BCL2L13: variants seen among roughly 807,000 people sequenced by gnomAD.
BCL2L13 encodes BCL2 like 13, also known as bcl-2-like protein 13.
Under a neutral mutation model 25.8 loss-of-function variants are expected in BCL2L13, and 13 were observed. That is an observed-to-expected ratio of 0.50 (90% confidence interval 0.33 to 0.80). BCL2L13 has a LOEUF of 0.80. BCL2L13 is among the 30% of genes least tolerant of loss of function. The pLI is 0.02. For missense variants in BCL2L13, 504 were observed against 574.9 expected (o/e 0.88, Z 1.26); for synonymous variants, 244 against 230.3 (o/e 1.06, Z -0.54).
chr22:17,669,394 C>G (rs536681545), intron 2 of BCL2L13, among the ~76,000 whole-genome samples: 46 of 152,254 alleles, frequency 3.0e-4, no homozygotes, highest in African/African-American at 1.1e-3. Flanking sequence ...TGGTGAGGGC[C>G]TCAAACTGCT....
intron 3 of BCL2L13, chr22:17,684,606 CAG>C (rs1568969975): frequency 2.2e-6 from 1 of 454,008 alleles, no homozygotes; most frequent in Non-Finnish European, 4.4e-6. Context: ...TCTCATTGCC[CAG>C]GCTGGAGTGC....
intron 6 of BCL2L13, among the ~76,000 whole-genome samples, chr22:17,721,634 C>G (rs778011848): frequency 2.0e-5 from 3 of 149,564 alleles, no homozygotes; most frequent in African/African-American, 7.4e-5. Flanking sequence ...AAGCAATTCT[C>G]CTGCCTCAGC....
rs1237784149 is a variant in BCL2L13, at chr22:17,730,349, C to G, written c.*2815C>G. 1.3e-5 allele frequency: 2 copies of G among 152,084 alleles called. No individual in the cohort carries two copies. The highest frequency in any genetic ancestry group is 4.8e-5 in the African/African-American group (2 of 41,390). The allele number at this position is 152,084 out of a possible 1,614,324, so 9.4% of individuals were successfully genotyped here. On this transcript the variant is annotated 3_prime_UTR_variant, in exon 7 of 7. Transcript: ENST00000317582. ...CTCCCCCTCGAGGCATTCTTGATAC[C>G]CCTTCTCACCTGCATTTCTGTCCCA... is the stretch of plus-strand genomic sequence containing the variant.
At position 17,705,696 on chromosome 22, in the gene BCL2L13, T is replaced by C. The variant is rs768125917; in HGVS notation, c.600+3310T>C. Among the ~76,000 whole-genome samples the C allele has an allele frequency of 2.6e-5, 4 of 152,314 alleles. No homozygotes were observed. In the East Asian group the frequency reaches 5.8e-4, roughly 22 times the overall value. On this transcript the variant is annotated intron_variant, in intron 6 of 6. Coordinates refer to ENST00000317582, the MANE Select transcript of BCL2L13 (RefSeq NM_015367.4). ...AGATACTGTGTGCTGAACATTACATTGACAGCTCTTAAAACCCTTCCAGAA... is the reference window on the plus strand; with the variant it reads ...AGATACTGTGTGCTGAACATTACATCGACAGCTCTTAAAACCCTTCCAGAA...
intron 2 of BCL2L13, among the ~76,000 whole-genome samples, chr22:17,666,113 G>A (rs1040037914): frequency 3.9e-5 from 6 of 152,052 alleles, no homozygotes; most frequent in Non-Finnish European, 8.8e-5. Flanking sequence ...CCATCTCTTT[G>A]CCAACATAGC....
chr22:17,715,146 A>G (rs1569007570), intron 6 of BCL2L13, among the ~76,000 whole-genome samples: 2 of 8,160 alleles, frequency 2.5e-4, no homozygotes, highest in Non-Finnish European at 4.8e-4. Context: ...ATATATATAT[A>G]TATATATATA....
intron 6 of BCL2L13, among the ~76,000 whole-genome samples, chr22:17,704,283 G>A (rs1018634785): frequency 5.9e-5 from 9 of 151,822 alleles, no homozygotes; most frequent in Non-Finnish European, 1.0e-4. Flanking sequence ...ATAGGGCTTC[G>A]CCATGTTGGC....
At chr22:17,641,798 G>GTTTTT (rs35688861) in intron 1 of BCL2L13, among the ~76,000 whole-genome samples, 1 of 133,696 alleles carries the variant, frequency 7.5e-6, no homozygotes, top group Non-Finnish European at 1.6e-5. Context: ...CATAATATGT[G>GTTTTT]TTTTTTTTTT....
At chr22:17,681,732 G>A (rs2059761959) in intron 2 of BCL2L13, among the ~76,000 whole-genome samples, 1 of 152,074 alleles carries the variant, frequency 6.6e-6, no homozygotes, top group Non-Finnish European at 1.5e-5. Flanking sequence ...TGGGGTGTTT[G>A]ATTTAATATA....
intron 6 of BCL2L13, among the ~76,000 whole-genome samples, chr22:17,708,662 T>G (rs1158846573): frequency 6.6e-6 from 1 of 152,226 alleles, no homozygotes; most frequent in Non-Finnish European, 1.5e-5. Flanking sequence ...CGCAGTTCTC[T>G]GCTTCTTTGT....
chr22:17,686,531 GAC>G (rs1461101114), intron 3 of BCL2L13, among the ~76,000 whole-genome samples: 1 of 132,078 alleles, frequency 7.6e-6, no homozygotes, highest in African/African-American at 2.8e-5. Flanking sequence ...TTTTTTTTGA[GAC>G]AGAGTCTCGC....
intron 1 of BCL2L13, among the ~76,000 whole-genome samples, chr22:17,653,949 T>A (rs1262079237): frequency 6.6e-6 from 1 of 152,096 alleles, no homozygotes; most frequent in Non-Finnish European, 1.5e-5. Flanking sequence ...AGTCTGTATT[T>A]TTGTTATAAG....
chr22:17,665,485 A>G (rs1203789607), intron 2 of BCL2L13, among the ~76,000 whole-genome samples: 3 of 152,244 alleles, frequency 2.0e-5, no homozygotes, highest in South Asian at 4.1e-4. Context: ...ATTTTCGGGT[A>G]TGTTTAAGCA....
intron 3 of BCL2L13, among the ~76,000 whole-genome samples, chr22:17,684,375 C>T (rs890969248): frequency 6.6e-6 from 1 of 152,082 alleles, no homozygotes; most frequent in Non-Finnish European, 1.5e-5. Context: ...AATTTATCAC[C>T]ATGATCTAAA....
chr22:17,654,132 G>T (rs1375629733), intron 1 of BCL2L13, among the ~76,000 whole-genome samples: 1 of 152,098 alleles, frequency 6.6e-6, no homozygotes, highest in Non-Finnish European at 1.5e-5. Flanking sequence ...TTGAGACAGG[G>T]TCTTGCTCTG....
intron 2 of BCL2L13, among the ~76,000 whole-genome samples, chr22:17,666,322 G>T (rs1222564869): frequency 6.6e-6 from 1 of 151,916 alleles, no homozygotes; most frequent in Non-Finnish European, 1.5e-5. Context: ...ATAGGGAATG[G>T]GGTATCCGTC....
upstream of BCL2L13, among the ~76,000 whole-genome samples, chr22:17,636,936 T>G (rs548987434): frequency 6.6e-6 from 1 of 152,344 alleles, no homozygotes; most frequent in South Asian, 2.1e-4. Flanking sequence ...TTTGAAAGTT[T>G]TTTTAGGTAA....
intron 1 of BCL2L13, among the ~76,000 whole-genome samples, chr22:17,654,234 AGCT>A (rs1358180612): frequency 6.7e-6 from 1 of 150,010 alleles, no homozygotes; most frequent in Non-Finnish European, 1.5e-5. Context: ...GCTTCTGAGT[AGCT>A]GGCATTATAG....
At chr22:17,725,414 C>T (rs1002645181) in intron 6 of BCL2L13, among the ~76,000 whole-genome samples, 14 of 152,086 alleles carry the variant, frequency 9.2e-5, no homozygotes, top group African/African-American at 3.4e-4. Context: ...GTGTACCCTT[C>T]GCCTGCCAAA....
Sources: allele counts gnomAD v4.1 joint callset (sites outside exome capture counted in the v4.1 genomes callset), GRCh38; gene constraint gnomAD v4.1.1; transcripts MANE v1.5; gene names NCBI Gene and HGNC (gene_info 2026-07-23, HGNC 2026-07-21).